The following TCF12 variants were observed in gnomAD, a reference collection of about 807,000 sequenced individuals.
TCF12 encodes the protein DNA-binding protein HTF4.
In TCF12, 45 loss-of-function variants were observed where a neutral mutation model predicts 86.0. The ratio of observed to expected loss-of-function variants is 0.52; its 90% CI spans 0.41 to 0.67. The LOEUF (loss-of-function observed/expected upper bound fraction) is 0.67, where lower values mean the gene tolerates loss of function less well. Ranked by LOEUF, TCF12 falls within the 30% of genes least tolerant of loss-of-function variation. TCF12 has a pLI of 0.00. For missense variants in TCF12, 881 were observed against 859.9 expected (o/e 1.02, Z -0.31); for synonymous variants, 330 against 299.6 (o/e 1.10, Z -1.05).
rs567449803 is a variant in TCF12, at chr15:57,257,758, G to T, written c.1467+4290G>T. On this transcript the variant is annotated intron_variant, in intron 16 of 20. Transcript: ENST00000333725. ...CAGTACGGACAAGTCAGTGATCAAG[G>T]TTACTAGCAGTGTAAGGTCTACACG... Among the ~76,000 whole-genome samples the T allele has an allele frequency of 4.0e-5, 6 of 151,436 alleles. No individual in the cohort carries two copies. In the South Asian group the frequency reaches 1.3e-3, roughly 32 times the overall value.
intron 20 of TCF12, among the ~76,000 whole-genome samples, chr15:57,285,853 A>G (rs1322168976): frequency 6.6e-6 from 1 of 152,210 alleles, no homozygotes; most frequent in Non-Finnish European, 1.5e-5. Context: ...GCTTGAGCCC[A>G]GGAGTTGAAG....
At chr15:57,186,867 G>C (rs554191364) in intron 6 of TCF12, among the ~76,000 whole-genome samples, 1 of 152,196 alleles carries the variant, frequency 6.6e-6, no homozygotes, top group African/African-American at 2.4e-5. Flanking sequence ...AAACCCATAT[G>C]ATTGTCTCAA....
chr15:57,019,528 A>G (rs1172345645), intron 3 of TCF12, among the ~76,000 whole-genome samples: 2 of 152,110 alleles, frequency 1.3e-5, no homozygotes, highest in Non-Finnish European at 2.9e-5. Context: ...CCAGGAGGAT[A>G]GGGAATTATC....
intron 3 of TCF12, among the ~76,000 whole-genome samples, chr15:56,940,270 A>C (rs531128235): frequency 6.6e-6 from 1 of 152,210 alleles, no homozygotes; most frequent in South Asian, 2.1e-4. Context: ...TGGAATTATG[A>C]GTTCATTTTC....
chr15:57,016,485 A>G (rs1176125261), intron 3 of TCF12, among the ~76,000 whole-genome samples: 2 of 152,126 alleles, frequency 1.3e-5, no homozygotes, highest in African/African-American at 4.8e-5. Context: ...AGTACTGTAG[A>G]TTGACCTCAC....
intron 3 of TCF12, among the ~76,000 whole-genome samples, chr15:57,030,641 G>T (rs1465121266): frequency 1.3e-5 from 2 of 151,948 alleles, no homozygotes; most frequent in Non-Finnish European, 2.9e-5. Context: ...ATCGCCCATT[G>T]TCTTTCTGCT....
intron 5 of TCF12, among the ~76,000 whole-genome samples, chr15:57,129,235 C>G (rs1181574175): frequency 6.6e-6 from 1 of 152,216 alleles, no homozygotes. Context: ...GTGTGAAAAC[C>G]TCACTGAGGT....
chr15:57,071,915 T>C (rs1267266221), intron 4 of TCF12, among the ~76,000 whole-genome samples: 2 of 152,144 alleles, frequency 1.3e-5, no homozygotes, highest in Non-Finnish European at 2.9e-5. Context: ...CAAAATTCGG[T>C]AGATAATAAA....
chr15:57,125,903 T>C (rs1233902785), intron 5 of TCF12, among the ~76,000 whole-genome samples: 3 of 152,214 alleles, frequency 2.0e-5, no homozygotes, highest in Admixed American at 1.3e-4. Flanking sequence ...TTATAATCTT[T>C]AGGTTTATCA....
chr15:57,124,919 G>T (rs201139439), intron 5 of TCF12, among the ~76,000 whole-genome samples: 2 of 152,020 alleles, frequency 1.3e-5, no homozygotes, highest in African/African-American at 4.8e-5. Flanking sequence ...TGATCCGCCC[G>T]CCTCCATCTC....
intron 5 of TCF12, among the ~76,000 whole-genome samples, chr15:57,150,662 A>G (rs569054557): frequency 6.6e-6 from 1 of 152,178 alleles, no homozygotes; most frequent in South Asian, 2.1e-4. Flanking sequence ...ACCCAGAGAA[A>G]AAGTAATCAG....
chr15:57,098,369 T>C (rs2049488205), intron 5 of TCF12, among the ~76,000 whole-genome samples: 1 of 152,218 alleles, frequency 6.6e-6, no homozygotes, highest in Non-Finnish European at 1.5e-5. Flanking sequence ...TTGTTCTTTC[T>C]TTCACTATTG....
At chr15:57,186,395 A>G (rs1350935670) in intron 6 of TCF12, among the ~76,000 whole-genome samples, 2 of 152,180 alleles carry the variant, frequency 1.3e-5, no homozygotes, top group African/African-American at 4.8e-5. Flanking sequence ...GCTACTTAGG[A>G]GGCTGAGGCC....
chr15:56,996,643 G>T (rs1596023484), intron 3 of TCF12, among the ~76,000 whole-genome samples: 1 of 151,558 alleles, frequency 6.6e-6, no homozygotes, highest in South Asian at 2.1e-4. Flanking sequence ...TGACCAATGA[G>T]ACCTAATTAG....
In TCF12 at chr15:57,231,365, AT is replaced by A. The variant is rs3838866; in HGVS notation, c.685+116del. ...ACCTATATTCAGGCCTTATTTAGGC[AT>A]TTTTTTTGGCTAAATTAAAATTTAG... On this transcript the variant is annotated intron_variant, in intron 9 of 20. Transcript: ENST00000333725. 352,202 of 740,580 alleles carry A rather than the reference AT, an allele frequency of 0.48. 87,828 individuals carry two copies. Among genetic ancestry groups the A allele is most frequent in the East Asian group, 0.62 (23,406 of 37,582 alleles). The allele number at this position is 740,580 out of a possible 1,614,324, so 45.9% of individuals were successfully genotyped here.
At chr15:57,202,916 C>G (rs543614313) in intron 8 of TCF12, among the ~76,000 whole-genome samples, 4 of 152,174 alleles carry the variant, frequency 2.6e-5, no homozygotes, top group African/African-American at 7.2e-5. Context: ...ATTATTCTAG[C>G]TAGTTCATAC....
At chr15:57,045,557 G>A (rs1378527518) in intron 3 of TCF12, among the ~76,000 whole-genome samples, 1 of 151,796 alleles carries the variant, frequency 6.6e-6, no homozygotes, top group Non-Finnish European at 1.5e-5. Context: ...TTTAGTTTTT[G>A]TGTTTTGAGA....
intron 6 of TCF12, among the ~76,000 whole-genome samples, chr15:57,169,594 C>T (rs1418409186): frequency 6.6e-6 from 1 of 152,112 alleles, no homozygotes; most frequent in African/African-American, 2.4e-5. Context: ...ATGTAATCCA[C>T]ATAACAAAAG....
At chr15:57,170,604 T>C (rs1338968605) in intron 6 of TCF12, among the ~76,000 whole-genome samples, 1 of 129,440 alleles carries the variant, frequency 7.7e-6, no homozygotes. Context: ...ACTGCAGGCA[T>C]GCAGCCGCCA....
Sources: allele counts gnomAD v4.1 joint callset (sites outside exome capture counted in the v4.1 genomes callset), GRCh38; gene constraint gnomAD v4.1.1; transcripts MANE v1.5; gene names NCBI Gene and HGNC (gene_info 2026-07-23, HGNC 2026-07-21).